ABCC3: variants seen among roughly 807,000 people sequenced by gnomAD.
ABCC3 encodes ATP-binding cassette sub-family C member 3.
A neutral mutation model predicts 165.3 loss-of-function variants in ABCC3; 121 were observed. The ratio of observed to expected loss-of-function variants is 0.73; its 90% CI spans 0.63 to 0.85. The LOEUF is 0.85. ABCC3 is among the 40% of genes least tolerant of loss of function. The probability of loss-of-function intolerance (pLI) is 0.00; values close to 1 mark genes in which losing one functional copy is unlikely to be tolerated. For missense variants in ABCC3, 1,869 were observed against 1,964.1 expected (o/e 0.95, Z 0.92); for synonymous variants, 733 against 810.1 (o/e 0.90, Z 1.62).
At chr17:50,666,854 A>C (rs1234266019) in intron 11 of ABCC3, among the ~76,000 whole-genome samples, 1 of 152,252 alleles carries the variant, frequency 6.6e-6, no homozygotes, top group African/African-American at 2.4e-5. Flanking sequence ...GGAAGCTCAC[A>C]GTCTGATTAG....
intron 7 of ABCC3, among the ~76,000 whole-genome samples, chr17:50,659,930 G>A (rs973122786): frequency 6.6e-6 from 1 of 152,172 alleles, no homozygotes; most frequent in African/African-American, 2.4e-5. Flanking sequence ...AGGCTATAGT[G>A]AGCTGAGATT....
At chr17:50,687,236 C>T (rs890036195) in intron 29 of ABCC3, 7 of 407,242 alleles carry the variant, frequency 1.7e-5, no homozygotes, top group East Asian at 4.0e-5. Flanking sequence ...AGAAACATCA[C>T]GGCACTAGCT....
chr17:50,673,360 C>T, intron 18 of ABCC3, 109 bp from the exon 19 acceptor site: 1 of 1,422,674 alleles, frequency 7.0e-7, no homozygotes, highest in Non-Finnish European at 9.6e-7. Flanking sequence ...TGTGCCTGTC[C>T]AAGCTCCCTG....
chr17:50,640,850 G>C (rs1386589470), intron 1 of ABCC3, among the ~76,000 whole-genome samples: 2 of 152,130 alleles, frequency 1.3e-5, no homozygotes, highest in Non-Finnish European at 2.9e-5. Context: ...GGCTGAGGGA[G>C]GGTGAGTGGG....
chr17:50,687,461 AAACAGGTCTGG>A, intron 29 of ABCC3, 64 bp from the exon 30 acceptor site: 2 of 1,465,884 alleles, frequency 1.4e-6, no homozygotes, highest in Admixed American at 3.5e-5. Flanking sequence ...CTGAGGAGTG[AAACAGGTCTGG>A]GAATGAGGCC....
chr17:50,682,258 C>T (rs1967942001), intron 26 of ABCC3, among the ~76,000 whole-genome samples: 3 of 151,472 alleles, frequency 2.0e-5, no homozygotes, highest in African/African-American at 7.3e-5. Flanking sequence ...TGCACTGGGC[C>T]TCCCAAATTA....
chr17:50,644,029 C>T (rs962144656), intron 1 of ABCC3, among the ~76,000 whole-genome samples: 1 of 152,110 alleles, frequency 6.6e-6, no homozygotes, highest in Non-Finnish European at 1.5e-5. Flanking sequence ...GAAGGGAAGG[C>T]AGGCCAGGCA....
At chr17:50,677,264 A>G (rs1180674848) in intron 23 of ABCC3, among the ~76,000 whole-genome samples, 1 of 152,252 alleles carries the variant, frequency 6.6e-6, no homozygotes, top group East Asian at 1.9e-4. Flanking sequence ...ATATCTAAAC[A>G]TACGTGTATG....
chr17:50,659,134 C>T (rs1967321655), intron 6 of ABCC3, 103 bp from the exon 7 acceptor site: 1 of 1,415,870 alleles, frequency 7.1e-7, no homozygotes. Context: ...GGGAGACCCT[C>T]CTTTCTGGAG....
chr17:50,645,792 G>A (rs756362097), intron 1 of ABCC3, among the ~76,000 whole-genome samples: 4 of 152,262 alleles, frequency 2.6e-5, no homozygotes, highest in East Asian at 1.9e-4. Context: ...TAGAGACAGC[G>A]TCTTGCTATG....
intron 8 of ABCC3, chr17:50,663,435 GTCATC>G (rs904353605): frequency 1.2e-4 from 62 of 532,136 alleles, no homozygotes; most frequent in Non-Finnish European, 1.9e-4. Flanking sequence ...TGGTGAGAGC[GTCATC>G]GATAGGGCGT....
chr17:50,643,577 G>A (rs1272600937), intron 1 of ABCC3: 2 of 456,188 alleles, frequency 4.4e-6, no homozygotes, highest in Non-Finnish European at 8.8e-6. Context: ...ACTCACCAAG[G>A]CCCTCACCAA....
At chr17:50,659,108 T>C (rs1967321038) in intron 6 of ABCC3, 129 bp from the exon 7 acceptor site, 1 of 1,128,530 alleles carries the variant, frequency 8.9e-7, no homozygotes, top group South Asian at 1.5e-5. Context: ...ACACCTTTCA[T>C]GGTCACAGTG....
chr17:50,635,608 G>T, intron 1 of ABCC3: 1 of 702,560 alleles, frequency 1.4e-6, no homozygotes, highest in Admixed American at 2.0e-5. Context: ...ACAGGTGCAG[G>T]GTGTCAGGAT....
Position 50,659,295 on chromosome 17 carries a change from G to T in ABCC3, c.733G>T (p.Glu245Ter). 4 of 1,613,898 alleles carry T rather than the reference G, an allele frequency of 2.5e-6. No individual in the cohort carries two copies. Among genetic ancestry groups the T allele is most frequent in the Non-Finnish European group, 2.5e-6 (3 of 1,179,794 alleles). The change falls in exon 7 of 31, where the codon GAA becomes TAA. Residue 245 changes from glutamate to a stop codon, truncating the protein, a stop_gained. Transcript: ENST00000285238. LOFTEE classifies it high-confidence loss of function. ...LEEKDLWSLK[E>*]EDRSQMVVQQ... ...GGAGAAGGACCTCTGGTCCCTAAAG[G>T]AAGAGGACAGATCCCAGATGGTGGT...
chr17:50,640,058 T>G (rs1466749517), intron 1 of ABCC3, among the ~76,000 whole-genome samples: 1 of 152,026 alleles, frequency 6.6e-6, no homozygotes, highest in African/African-American at 2.4e-5. Context: ...GCCACCGCAT[T>G]CAGCCAGATT....
chr17:50,682,441 C>G (rs1419362368), intron 26 of ABCC3, among the ~76,000 whole-genome samples: 1 of 151,754 alleles, frequency 6.6e-6, no homozygotes, highest in Admixed American at 6.6e-5. Context: ...AAAAAAAAGT[C>G]CTTAAAATGG....
chr17:50,686,188 C>T (rs1379279106), intron 29 of ABCC3, among the ~76,000 whole-genome samples: 4 of 152,152 alleles, frequency 2.6e-5, no homozygotes, highest in Admixed American at 1.3e-4. Flanking sequence ...AGCGAGACTT[C>T]GTCTCAAGAA....
chr17:50,650,975 GAATTA>G (rs1370382273), intron 1 of ABCC3, among the ~76,000 whole-genome samples: 3 of 145,790 alleles, frequency 2.1e-5, no homozygotes, highest in Non-Finnish European at 3.0e-5. Flanking sequence ...TCAGGCAGGA[GAATTA>G]CCTGAACCCA....
Sources: gnomAD v4.1 joint callset for allele counts (sites outside exome capture counted in the v4.1 genomes callset) on GRCh38, gnomAD v4.1.1 for gene constraint, MANE v1.5 for transcripts, NCBI Gene and HGNC (gene_info 2026-07-23, HGNC 2026-07-21) for gene names.